Variants in CACNA2D3 observed in about 807,000 individuals in gnomAD.
CACNA2D3 encodes the protein calcium voltage-gated channel auxiliary subunit alpha2delta 3, also known as voltage-dependent calcium channel subunit alpha-2/delta-3.
CACNA2D3 carries 60 observed loss-of-function variants against 160.6 expected under a neutral mutation model. The ratio of observed to expected loss-of-function variants is 0.37; its 90% CI spans 0.30 to 0.46. CACNA2D3 has a LOEUF of 0.46. Among genes scored for constraint, CACNA2D3 ranks in the 20% least tolerant of loss-of-function variants. CACNA2D3 has a pLI of 1.00. For synonymous variants in CACNA2D3, 558 were observed against 492.9 expected, an observed-to-expected ratio of 1.13 and a Z score of -1.75; for missense variants, 1,205 against 1,365.0, an observed-to-expected ratio of 0.88 and a Z score of 1.85.
intron 11 of CACNA2D3, among the ~76,000 whole-genome samples, chr3:54,683,408 A>G (rs1047527134): frequency 2.0e-5 from 3 of 152,260 alleles, no homozygotes; most frequent in African/African-American, 7.2e-5. Context: ...AGTAGGAAGT[A>G]GTGATTACAA....
At chr3:54,940,758 GT>G (rs1374321013) in intron 27 of CACNA2D3, among the ~76,000 whole-genome samples, 1 of 152,090 alleles carries the variant, frequency 6.6e-6, no homozygotes, top group African/African-American at 2.4e-5. Flanking sequence ...ATATTATTCA[GT>G]TTATTTTTGC....
intron 9 of CACNA2D3, among the ~76,000 whole-genome samples, chr3:54,597,164 A>T (rs190438014): frequency 3.9e-5 from 6 of 152,302 alleles, no homozygotes; most frequent in Admixed American, 3.9e-4. Flanking sequence ...ACCTTCTTTC[A>T]TTAGGGTGAG....
At chr3:54,405,084 A>G (rs1323703325) in intron 4 of CACNA2D3, among the ~76,000 whole-genome samples, 1 of 149,064 alleles carries the variant, frequency 6.7e-6, no homozygotes, top group Admixed American at 6.8e-5. Context: ...TCTATACTAT[A>G]CTATACTAAA....
At chr3:54,878,305 C>G (rs1022633870) in intron 18 of CACNA2D3, among the ~76,000 whole-genome samples, 7 of 152,132 alleles carry the variant, frequency 4.6e-5, no homozygotes, top group Middle Eastern at 3.2e-3. Flanking sequence ...GCCTTGGTGC[C>G]CATGACGGCA....
intron 13 of CACNA2D3, among the ~76,000 whole-genome samples, chr3:54,808,937 CA>C (rs2106693263): frequency 6.6e-6 from 1 of 152,234 alleles, no homozygotes; most frequent in African/African-American, 2.4e-5. Context: ...GTTACGAAAT[CA>C]AAGGATGAAA....
intron 4 of CACNA2D3, among the ~76,000 whole-genome samples, chr3:54,450,436 T>C (rs1700286720): frequency 6.6e-6 from 1 of 152,186 alleles, no homozygotes; most frequent in Non-Finnish European, 1.5e-5. Context: ...GTTTGAATGT[T>C]TGTCCCCTAT....
In CACNA2D3 at chr3:55,024,591, A is replaced by C. The variant is rs533492241; in HGVS notation, c.2987+6274A>C. On this transcript the variant is annotated intron_variant, in intron 35 of 37. Transcript: ENST00000474759. ...AAAAGGTGTTATCATTGAGGCAGAA[A>C]ACAAGCCCTGACTAAACACTAAGTC... Among the ~76,000 whole-genome samples the C allele has an allele frequency of 5.9e-5, 9 of 152,258 alleles. 1 individual carries two copies. In the South Asian group the frequency reaches 1.9e-3, roughly 32 times the overall value.
chr3:54,400,194 C>T (rs959651661), intron 4 of CACNA2D3, among the ~76,000 whole-genome samples: 1 of 148,022 alleles, frequency 6.8e-6, no homozygotes, highest in African/African-American at 2.5e-5. Flanking sequence ...CCTGCGCCCA[C>T]TGTCTGGCAC....
At chr3:54,507,238 G>T (rs998393267) in intron 5 of CACNA2D3, among the ~76,000 whole-genome samples, 2 of 152,046 alleles carry the variant, frequency 1.3e-5, no homozygotes, top group Non-Finnish European at 2.9e-5. Flanking sequence ...GTATTTCACT[G>T]TTTTTATTCC....
intron 4 of CACNA2D3, among the ~76,000 whole-genome samples, chr3:54,434,131 A>G (rs1435570581): frequency 4.6e-5 from 7 of 152,198 alleles, no homozygotes; most frequent in Admixed American, 4.6e-4. Context: ...TTCCCCTGTC[A>G]GAGTACTGTC....
chr3:54,174,341 C>A (rs72972028), intron 2 of CACNA2D3, among the ~76,000 whole-genome samples: 2,442 of 152,246 alleles, frequency 0.016, 58 homozygotes, highest in African/African-American at 0.057. Context: ...CACAGACAGG[C>A]AAAAAGAAGA....
At chr3:54,746,541 C>T (rs1701756622) in intron 11 of CACNA2D3, among the ~76,000 whole-genome samples, 2 of 152,158 alleles carry the variant, frequency 1.3e-5, no homozygotes, top group African/African-American at 2.4e-5. Context: ...AATACGGAGG[C>T]TGCCACTTAG....
intron 13 of CACNA2D3, among the ~76,000 whole-genome samples, chr3:54,770,078 G>A (rs1447328989): frequency 3.3e-5 from 5 of 152,130 alleles, no homozygotes; most frequent in African/African-American, 4.8e-5. Flanking sequence ...CATTTGCCCC[G>A]AAAATACTTG....
At chr3:54,627,743 A>G (rs773870719) in intron 9 of CACNA2D3, 44 bp from the exon 10 acceptor site, 12 of 1,263,900 alleles carry the variant, frequency 9.5e-6, no homozygotes, top group East Asian at 7.1e-5. Flanking sequence ...GGTGTTTCAC[A>G]TAACAGGACA....
chr3:54,921,270 C>A (rs1364688939), intron 27 of CACNA2D3, among the ~76,000 whole-genome samples: 2 of 152,136 alleles, frequency 1.3e-5, no homozygotes, highest in African/African-American at 4.8e-5. Flanking sequence ...ACTCCCTTGA[C>A]CACGTTGTGC....
At chr3:55,070,549 T>G (rs1019654100) in intron 35 of CACNA2D3, among the ~76,000 whole-genome samples, 2 of 152,130 alleles carry the variant, frequency 1.3e-5, no homozygotes, top group Admixed American at 1.3e-4. Flanking sequence ...ACCAGTCACA[T>G]CCTTGAAGAA....
intron 9 of CACNA2D3, among the ~76,000 whole-genome samples, chr3:54,587,775 A>G (rs1702788259): frequency 6.6e-6 from 1 of 152,204 alleles, no homozygotes; most frequent in Non-Finnish European, 1.5e-5. Flanking sequence ...GATGAAATAG[A>G]TAGCTAGACT....
intron 17 of CACNA2D3, among the ~76,000 whole-genome samples, chr3:54,859,089 C>T (rs1559606986): frequency 6.6e-6 from 1 of 152,166 alleles, no homozygotes; most frequent in African/African-American, 2.4e-5. Flanking sequence ...CTTTGAAGTT[C>T]AGTAGACCCA....
chr3:54,483,727 C>T (rs898567040), intron 4 of CACNA2D3, among the ~76,000 whole-genome samples: 2 of 152,120 alleles, frequency 1.3e-5, no homozygotes, highest in Admixed American at 6.5e-5. Flanking sequence ...TTGCAAAACC[C>T]ATAAGGAATG....
Sources: gnomAD v4.1 joint callset for allele counts (sites outside exome capture counted in the v4.1 genomes callset) on GRCh38, gnomAD v4.1.1 for gene constraint, MANE v1.5 for transcripts, NCBI Gene and HGNC (gene_info 2026-07-23, HGNC 2026-07-21) for gene names.